NHSL1: variants seen among roughly 807,000 people sequenced by gnomAD.
NHSL1 encodes NHS-like protein 1.
NHSL1 carries 48 observed loss-of-function variants against 95.0 expected under a neutral mutation model. That is an observed-to-expected ratio of 0.51 (90% CI 0.40 to 0.64). The LOEUF (loss-of-function observed/expected upper bound fraction) is 0.64, where lower values mean the gene tolerates loss of function less well. Among genes scored for constraint, NHSL1 ranks in the 30% least tolerant of loss-of-function variants. The pLI is 0.00. For missense variants in NHSL1, 1,971 were observed against 2,077.7 expected (o/e 0.95, Z 1.00); for synonymous variants, 783 against 833.9 (o/e 0.94, Z 1.05).
chr6:138,663,560 C>CAA (rs56870354), intron 1 of NHSL1, among the ~76,000 whole-genome samples: 12 of 95,524 alleles, frequency 1.3e-4, no homozygotes, highest in Admixed American at 3.5e-4. Flanking sequence ...AACTCCATCT[C>CAA]AAAAAAAAAA....
intron 1 of NHSL1, among the ~76,000 whole-genome samples, chr6:138,641,270 A>G (rs1446790056): frequency 6.6e-6 from 1 of 152,242 alleles, no homozygotes; most frequent in Non-Finnish European, 1.5e-5. Context: ...AATTTTATAC[A>G]CAGAGGAAAA....
chr6:138,584,253 A>G (rs1784101568), intron 1 of NHSL1, among the ~76,000 whole-genome samples: 1 of 151,948 alleles, frequency 6.6e-6, no homozygotes, highest in South Asian at 2.1e-4. Context: ...AATTAAATGA[A>G]CACTTCACAG....
intron 1 of NHSL1, among the ~76,000 whole-genome samples, chr6:138,504,589 G>T (rs1479520036): frequency 1.3e-5 from 2 of 152,176 alleles, no homozygotes; most frequent in Non-Finnish European, 2.9e-5. Flanking sequence ...GAAAGGTGGT[G>T]GGGAAGATGG....
chr6:138,465,229 C>T (rs1174378817), intron 3 of NHSL1, among the ~76,000 whole-genome samples: 1 of 152,072 alleles, frequency 6.6e-6, no homozygotes, highest in Non-Finnish European at 1.5e-5. Context: ...GAACAACTTC[C>T]AGTCCTGCAA....
chr6:138,530,777 A>C (rs1278802571), intron 1 of NHSL1, among the ~76,000 whole-genome samples: 2 of 152,200 alleles, frequency 1.3e-5, no homozygotes, highest in East Asian at 3.9e-4. Flanking sequence ...AAAGGCATTA[A>C]AATGGTATAA....
At chr6:138,471,733 A>G (rs1778762990) in intron 3 of NHSL1, among the ~76,000 whole-genome samples, 1 of 152,190 alleles carries the variant, frequency 6.6e-6, no homozygotes, top group African/African-American at 2.4e-5. Context: ...CAAAATAACT[A>G]AGAGTGTAAA....
At chr6:138,499,534 C>A, upstream of NHSL1, 1 of 709,130 alleles carries the variant, frequency 1.4e-6, no homozygotes, top group Non-Finnish European at 2.0e-6. Context: ...AGGCTGAGAG[C>A]AGCCAGTGAC....
chr6:138,501,186 T>C (rs574433346), upstream of NHSL1, among the ~76,000 whole-genome samples: 4 of 152,338 alleles, frequency 2.6e-5, no homozygotes, highest in East Asian at 1.9e-4. Context: ...CAACCCTCCA[T>C]AGCATGTAGC....
intron 1 of NHSL1, among the ~76,000 whole-genome samples, chr6:138,662,184 A>G (rs1429073260): frequency 1.3e-5 from 2 of 151,952 alleles, no homozygotes; most frequent in Admixed American, 6.6e-5. Context: ...CCTTTGCCCT[A>G]AATAGTTATC....
At chr6:138,613,908 C>T (rs899287509) in intron 1 of NHSL1, among the ~76,000 whole-genome samples, 15 of 152,136 alleles carry the variant, frequency 9.9e-5, no homozygotes, top group Admixed American at 7.9e-4. Context: ...TAATCAGAAT[C>T]CTGAAACCTT....
chr6:138,605,744 G>C (rs937432727), intron 1 of NHSL1, among the ~76,000 whole-genome samples: 4 of 152,158 alleles, frequency 2.6e-5, no homozygotes, highest in African/African-American at 9.7e-5. Context: ...TCTGATTAAG[G>C]TAAGTTTCTA....
intron 2 of NHSL1, among the ~76,000 whole-genome samples, chr6:138,488,632 G>A (rs1294456135): frequency 6.6e-6 from 1 of 152,156 alleles, no homozygotes; most frequent in Non-Finnish European, 1.5e-5. Context: ...AGGGGTGAGT[G>A]AGGAGACTTC....
rs915700977 is a variant in NHSL1 at position 138,424,950 on chromosome 6, C to T, written c.4086-134G>A. 3.9e-6 allele frequency: 3 copies of T among 761,806 alleles called. No homozygotes were observed. In the Admixed American group the frequency reaches 8.7e-5, roughly 22 times the overall value. 47.2% of individuals were successfully genotyped at this position (761,806 alleles called of 1,614,324 possible). On this transcript the variant is annotated intron_variant, in intron 7 of 7. Coordinates refer to ENST00000343505, the MANE Select transcript of NHSL1 (RefSeq NM_001144060.2). The surrounding 1 kb of genome is among the most constrained non-coding windows in gnomAD (Gnocchi z 5.9). ...TCACTTTCAAAAAATTTATTTTTGACTGGGCACAGTGGCTCACACCTGTAA... is the reference window on the plus strand; with the variant it reads ...TCACTTTCAAAAAATTTATTTTTGATTGGGCACAGTGGCTCACACCTGTAA...
At chr6:138,609,733 G>A (rs1183892734) in intron 1 of NHSL1, among the ~76,000 whole-genome samples, 1 of 117,812 alleles carries the variant, frequency 8.5e-6, no homozygotes, top group South Asian at 3.2e-4. Context: ...CTGGGAGACA[G>A]AGCAAGACTC....
intron 1 of NHSL1, among the ~76,000 whole-genome samples, chr6:138,508,451 T>C (rs903603126): frequency 2.0e-5 from 3 of 152,206 alleles, no homozygotes; most frequent in African/African-American, 7.2e-5. Flanking sequence ...CCTAGAAAGT[T>C]AGAGCTGAAG....
intron 1 of NHSL1, among the ~76,000 whole-genome samples, chr6:138,670,079 C>T (rs1785344489): frequency 6.6e-6 from 1 of 152,070 alleles, no homozygotes; most frequent in Non-Finnish European, 1.5e-5. Flanking sequence ...CGAAATCACG[C>T]CACTGCACTC....
intron 2 of NHSL1, among the ~76,000 whole-genome samples, chr6:138,474,665 ATGT>A (rs1398168631): frequency 1.3e-5 from 2 of 152,206 alleles, no homozygotes; most frequent in African/African-American, 2.4e-5. Context: ...TAGGTCAAAA[ATGT>A]TGTGGTCTGG....
chr6:138,577,081 G>A (rs1041726608), upstream of NHSL1, among the ~76,000 whole-genome samples: 1 of 152,146 alleles, frequency 6.6e-6, no homozygotes, highest in Non-Finnish European at 1.5e-5. Flanking sequence ...AGAGTCAAAG[G>A]AATAGACTGA....
chr6:138,543,810 C>G (rs1040252623), intron 1 of NHSL1, among the ~76,000 whole-genome samples: 1 of 152,168 alleles, frequency 6.6e-6, no homozygotes, highest in Non-Finnish European at 1.5e-5. Context: ...AATCAACAAG[C>G]TATAAGTCAC....
Sources: gnomAD v4.1 joint callset for allele counts (sites outside exome capture counted in the v4.1 genomes callset) on GRCh38, gnomAD v4.1.1 for gene constraint, Gnocchi (gnomAD v3.1) non-coding constraint, MANE v1.5 for transcripts, NCBI Gene and HGNC (gene_info 2026-07-23, HGNC 2026-07-21) for gene names.